The following TIAM2 variants were observed in gnomAD, a reference collection of about 807,000 sequenced individuals.
TIAM2 encodes the protein rho guanine nucleotide exchange factor TIAM2.
TIAM2 carries 80 observed loss-of-function variants against 152.9 expected under a neutral mutation model. The ratio of observed to expected loss-of-function variants is 0.52; its 90% CI spans 0.44 to 0.63. The LOEUF (loss-of-function observed/expected upper bound fraction) is 0.63, where lower values mean the gene tolerates loss of function less well. Ranked by LOEUF, TIAM2 falls within the 30% of genes least tolerant of loss-of-function variation. TIAM2 has a pLI of 0.00. For synonymous variants in TIAM2, 804 were observed against 838.0 expected (o/e 0.96, Z 0.70); for missense variants, 1,965 against 2,120.1 (o/e 0.93, Z 1.44).
chr6:155,115,108 G>A lies in TIAM2; in HGVS notation c.-117-12382G>A, dbSNP rs1348962000. Among the ~76,000 whole-genome samples the A allele has an allele frequency of 6.0e-5, 9 of 150,370 alleles. No homozygotes were observed. The South Asian group carries it at 1.0e-3, about 17-fold the overall frequency. The stretch of plus-strand genomic sequence containing the variant: ...CTCCCAAATTGCTGGGATTACAGGC[G>A]TGAGCCACTGGGCCTGGCCAAACCA... On this transcript the variant is annotated intron_variant, in intron 2 of 26. Coordinates refer to ENST00000682666, the MANE Select transcript of TIAM2 (RefSeq NM_012454.4).
At chr6:155,224,763 G>A (rs943923370) in intron 15 of TIAM2, among the ~76,000 whole-genome samples, 2 of 152,202 alleles carry the variant, frequency 1.3e-5, no homozygotes, top group African/African-American at 4.8e-5. Flanking sequence ...GTCCTCTGGT[G>A]TTTTCAGAAA....
At chr6:155,201,247 A>T (rs1781466202) in intron 14 of TIAM2, among the ~76,000 whole-genome samples, 1 of 152,206 alleles carries the variant, frequency 6.6e-6, no homozygotes, top group African/African-American at 2.4e-5. Flanking sequence ...TTTTTTCCGT[A>T]GAAACTTTCT....
chr6:155,103,723 C>CAAAAAA (rs759945340), intron 2 of TIAM2, among the ~76,000 whole-genome samples: 1 of 59,870 alleles, frequency 1.7e-5, no homozygotes, highest in Non-Finnish European at 2.9e-5. Context: ...GACTCTGTCT[C>CAAAAAA]AAAAAAAAAA....
chr6:155,113,176 C>T (rs894166103), intron 2 of TIAM2, among the ~76,000 whole-genome samples: 14 of 152,270 alleles, frequency 9.2e-5, no homozygotes, highest in African/African-American at 2.9e-4. Flanking sequence ...TTCTTCCCCT[C>T]GCTTGCTCTG....
intron 2 of TIAM2, among the ~76,000 whole-genome samples, chr6:155,108,831 C>T (rs1411590203): frequency 6.6e-6 from 1 of 152,026 alleles, no homozygotes; most frequent in Non-Finnish European, 1.5e-5. Context: ...CTTCTTCCCA[C>T]CAGAAGTATT....
chr6:155,106,703 G>C (rs1024038520), intron 2 of TIAM2, among the ~76,000 whole-genome samples: 1 of 152,200 alleles, frequency 6.6e-6, no homozygotes, highest in African/African-American at 2.4e-5. Flanking sequence ...AGAAGCTGAG[G>C]CTCCCTTCAA....
At chr6:155,190,551 G>A (rs1781172095) in intron 14 of TIAM2, among the ~76,000 whole-genome samples, 1 of 152,228 alleles carries the variant, frequency 6.6e-6, no homozygotes, top group Admixed American at 6.5e-5. Context: ...CAGGAGGAGA[G>A]ATGTTAAATA....
chr6:155,210,492 GT>G (rs1225853827), intron 14 of TIAM2, among the ~76,000 whole-genome samples: 11 of 144,994 alleles, frequency 7.6e-5, no homozygotes, highest in South Asian at 4.4e-4. Flanking sequence ...TTGTGTGTGT[GT>G]TTTTTTTTTT....
At chr6:155,097,844 A>C (rs1035064049) in intron 2 of TIAM2, among the ~76,000 whole-genome samples, 1 of 152,128 alleles carries the variant, frequency 6.6e-6, no homozygotes, top group Non-Finnish European at 1.5e-5. Flanking sequence ...GTATAGTGAG[A>C]GATGGAGTCT....
chr6:155,016,017 T>G (rs375202012), intron 1 of TIAM2, among the ~76,000 whole-genome samples: 71 of 144,168 alleles, frequency 4.9e-4, no homozygotes, highest in African/African-American at 1.6e-3. Flanking sequence ...CCATCAAGAC[T>G]GGCAAAAATT....
chr6:155,233,217 G>T (rs3749870), intron 15 of TIAM2, among the ~76,000 whole-genome samples: 64,846 of 152,044 alleles, frequency 0.43, 14,755 homozygotes, highest in Middle Eastern at 0.57. Context: ...ATTCCAAAAC[G>T]CACAGGAAAG....
intron 1 of TIAM2, among the ~76,000 whole-genome samples, chr6:155,079,208 C>A (rs1029578506): frequency 6.6e-6 from 1 of 152,004 alleles, no homozygotes; most frequent in Non-Finnish European, 1.5e-5. Context: ...ATTACAGACA[C>A]CCGCCACCAT....
intron 1 of TIAM2, among the ~76,000 whole-genome samples, chr6:155,050,321 T>C (rs1165639087): frequency 2.0e-5 from 3 of 152,100 alleles, no homozygotes; most frequent in Admixed American, 2.0e-4. Context: ...CCACCACAAC[T>C]GGCCTCAGTA....
At chr6:155,124,424 G>A (rs1217806815) in intron 2 of TIAM2, among the ~76,000 whole-genome samples, 1 of 152,190 alleles carries the variant, frequency 6.6e-6, no homozygotes, top group African/African-American at 2.4e-5. Context: ...TCTGCCTCTG[G>A]CGTTTAAGTG....
chr6:155,068,549 T>C (rs1012922132), intron 1 of TIAM2, among the ~76,000 whole-genome samples: 2 of 151,438 alleles, frequency 1.3e-5, no homozygotes, highest in Non-Finnish European at 2.9e-5. Context: ...GCCTCCTGGG[T>C]TCAAGCGATT....
At chr6:155,015,753 A>G (rs1040197415) in intron 1 of TIAM2, among the ~76,000 whole-genome samples, 10 of 151,982 alleles carry the variant, frequency 6.6e-5, no homozygotes, top group African/African-American at 2.2e-4. Context: ...CCTGGCCAAC[A>G]TGGTGAAATC....
intron 5 of TIAM2, among the ~76,000 whole-genome samples, chr6:155,141,679 G>A (rs1779710657): frequency 6.6e-6 from 1 of 152,174 alleles, no homozygotes; most frequent in African/African-American, 2.4e-5. Flanking sequence ...TGAAGAGTTG[G>A]CAAGGTCATT....
chr6:155,244,820 G>A lies in TIAM2; in HGVS notation c.3543+37G>A, dbSNP rs139804010. 879 of 1,575,996 alleles carry A rather than the reference G, an allele frequency of 5.6e-4. 14 individuals are homozygous for A. The East Asian group carries it at 0.017, about 31-fold the overall frequency. ...AGATTTAGGCTTAAAGTAAAAATAC[G>A]TGGCTATGGTACGTATTTCTCTCAT... On this transcript the variant is annotated intron_variant, in intron 18 of 26. Coordinates refer to ENST00000682666, the MANE Select transcript of TIAM2 (RefSeq NM_012454.4).
In TIAM2 at chr6:155,205,926, C is replaced by T. The variant is rs117433312; in HGVS notation, c.3065-5278C>T. On this transcript the variant is annotated intron_variant, in intron 14 of 26. Coordinates refer to ENST00000682666, the MANE Select transcript of TIAM2 (RefSeq NM_012454.4). The stretch of plus-strand genomic sequence containing the variant: ...AACTGTACATTTTGAATTCAGATTA[C>T]GAGCTGTGTGGGTGAGACAACCTTA... Among the ~76,000 whole-genome samples the T allele has an allele frequency of 4.5e-4, 68 of 152,286 alleles. No individual in the cohort carries two copies. In the East Asian group the frequency reaches 0.011, roughly 25 times the overall value.
Sources: gnomAD v4.1 joint callset for allele counts (sites outside exome capture counted in the v4.1 genomes callset) on GRCh38, gnomAD v4.1.1 for gene constraint, MANE v1.5 for transcripts, NCBI Gene and HGNC (gene_info 2026-07-23, HGNC 2026-07-21) for gene names.